Variants in COL13A1 observed in about 807,000 individuals in gnomAD.
COL13A1 encodes the protein collagen type XIII alpha 1 chain, also known as collagen alpha-1(XIII) chain.
Under a neutral mutation model 130.9 loss-of-function variants are expected in COL13A1, and 89 were observed. That is an observed-to-expected ratio of 0.68 (90% CI 0.57 to 0.81). The LOEUF is 0.81. Among genes scored for constraint, COL13A1 ranks in the 30% least tolerant of loss-of-function variants. The pLI is 0.00. For missense variants in COL13A1, 879 were observed against 934.6 expected, an observed-to-expected ratio of 0.94 and a Z score of 0.78; for synonymous variants, 402 against 341.6, an observed-to-expected ratio of 1.18 and a Z score of -1.95.
At position 69,895,586 on chromosome 10, in the gene COL13A1, C is replaced by T; in HGVS notation, c.684+10C>T. 2 of 1,613,870 alleles carry T rather than the reference C, an allele frequency of 1.2e-6. No homozygotes were observed. Among genetic ancestry groups the T allele is most frequent in the South Asian group, 2.2e-5 (2 of 91,074 alleles). On this transcript the variant is annotated intron_variant, in intron 13 of 40. Transcript: ENST00000645393. ...AGAGTACCCACACCGGGTAAGTGAA[C>T]CCCTAAAATTTAGCAGGGCACTTTG...
intron 2 of COL13A1, among the ~76,000 whole-genome samples, chr10:69,867,211 G>A (rs912990442): frequency 6.6e-6 from 1 of 152,212 alleles, no homozygotes; most frequent in East Asian, 1.9e-4. Context: ...GAGCCCGAGA[G>A]GGGGCTTTGA....
chr10:69,848,629 G>A (rs1382724671), intron 2 of COL13A1, among the ~76,000 whole-genome samples: 1 of 152,208 alleles, frequency 6.6e-6, no homozygotes, highest in African/African-American at 2.4e-5. Flanking sequence ...GTGGACCCAC[G>A]CACCGTCCTC....
rs371390730 is a variant in COL13A1, at chr10:69,823,496, G to A, written c.364+1058G>A. 5.9e-5 allele frequency among the ~76,000 whole-genome samples: 9 copies of A among 152,348 alleles called. No homozygotes were observed. In the South Asian group the frequency reaches 1.9e-3, roughly 32 times the overall value. Reference sequence around the variant, plus strand: ...GGCCTCCTCGATACCCACGGTGGCAGGTGGCACTAGCAGGGTGCTCACTGG... The same window carrying A: ...GGCCTCCTCGATACCCACGGTGGCAAGTGGCACTAGCAGGGTGCTCACTGG... On this transcript the variant is annotated intron_variant, in intron 2 of 40. Coordinates refer to ENST00000645393, the MANE Select transcript of COL13A1 (RefSeq NM_001368882.1).
intron 2 of COL13A1, among the ~76,000 whole-genome samples, chr10:69,843,658 C>T (rs985903280): frequency 3.9e-5 from 6 of 152,042 alleles, no homozygotes; most frequent in East Asian, 1.9e-4. Flanking sequence ...TTCTATGGAT[C>T]GTGGTGAGGA....
Position 69,865,309 on chromosome 10 carries a change from C to T in COL13A1, c.365-2489C>T, listed in dbSNP as rs114934569. On this transcript the variant is annotated intron_variant, in intron 2 of 40. Coordinates refer to ENST00000645393, the MANE Select transcript of COL13A1 (RefSeq NM_001368882.1). ...CACATGGGAGAGCAACTAGTGACAT[C>T]AAGGCACTGCTAGATTTTGCAAAGC... Among the ~76,000 whole-genome samples the T allele has an allele frequency of 5.1e-3, 778 of 152,306 alleles. 8 individuals carry two copies. Among genetic ancestry groups the T allele is most frequent in the African/African-American group, 0.018 (734 of 41,550 alleles).
At chr10:69,938,139 C>A (rs555439357) in intron 34 of COL13A1, among the ~76,000 whole-genome samples, 1 of 152,234 alleles carries the variant, frequency 6.6e-6, no homozygotes, top group African/African-American at 2.4e-5. Flanking sequence ...CCCTCTTAAG[C>A]ACTGGTCATT....
At position 69,839,164 on chromosome 10, in the gene COL13A1, CCATT is replaced by C. The variant is rs537294421; in HGVS notation, c.364+16740_364+16743del. Among the ~76,000 whole-genome samples the C allele has an allele frequency of 6.4e-4, 98 of 152,238 alleles. No homozygotes were observed. In the Middle Eastern group the frequency reaches 0.01, roughly 16 times the overall value. On this transcript the variant is annotated intron_variant, in intron 2 of 40. Transcript: ENST00000645393. ...TGGAAGCCTCCAGGGGAGAGGTGAC[CCATT>C]CATTCATTCATTCGTTCGTTCGTTC...
intron 18 of COL13A1, among the ~76,000 whole-genome samples, 172 bp downstream of exon 18, chr10:69,917,505 C>G (rs35532046): frequency 3.9e-5 from 6 of 151,940 alleles, no homozygotes; most frequent in Admixed American, 3.9e-4. Flanking sequence ...CCCCCTGATG[C>G]GGGCGGCCTC....
chr10:69,918,198 C>T, intron 18 of COL13A1, 87 bp from the exon 19 acceptor site: 1 of 1,213,460 alleles, frequency 8.2e-7, no homozygotes. Context: ...CTCATCACAC[C>T]ATGGGGAGGC....
At chr10:69,842,573 C>T (rs780138363) in intron 2 of COL13A1, among the ~76,000 whole-genome samples, 1 of 152,230 alleles carries the variant, frequency 6.6e-6, no homozygotes, top group Non-Finnish European at 1.5e-5. Flanking sequence ...CATTCCGGCA[C>T]TAACATCATC....
At chr10:69,857,790 G>A (rs539881938) in intron 2 of COL13A1, among the ~76,000 whole-genome samples, 3 of 152,286 alleles carry the variant, frequency 2.0e-5, no homozygotes, top group Admixed American at 6.5e-5. Flanking sequence ...GCTTATAAGG[G>A]TTAAACATGG....
intron 40 of COL13A1, 147 bp from the exon 41 acceptor site, chr10:69,958,552 T>C: frequency 8.0e-7 from 1 of 1,250,754 alleles, no homozygotes; most frequent in Non-Finnish European, 1.1e-6. Flanking sequence ...CCAGTTTCTT[T>C]CACCTAGGGG....
intron 38 of COL13A1, among the ~76,000 whole-genome samples, chr10:69,951,934 C>T (rs1039643582): frequency 6.6e-6 from 1 of 152,162 alleles, no homozygotes; most frequent in African/African-American, 2.4e-5. Context: ...TTTTAGGAAA[C>T]ACATATAAAA....
chr10:69,937,527 C>T (rs1422465859), intron 33 of COL13A1, 108 bp from the exon 34 acceptor site: 5 of 642,780 alleles, frequency 7.8e-6, no homozygotes, highest in Admixed American at 2.6e-5. Flanking sequence ...CACCCTGACC[C>T]CTCCTTCCTC....
chr10:69,909,465 C>A (rs933015423), intron 17 of COL13A1, among the ~76,000 whole-genome samples: 1 of 152,250 alleles, frequency 6.6e-6, no homozygotes, highest in Non-Finnish European at 1.5e-5. Context: ...CAGTAGGTGC[C>A]ACTGGAGCCA....
intron 17 of COL13A1, among the ~76,000 whole-genome samples, chr10:69,908,700 G>A (rs1030365343): frequency 1.3e-5 from 2 of 152,180 alleles, no homozygotes; most frequent in African/African-American, 2.4e-5. Context: ...CAGATTGTAG[G>A]AAGAAACATG....
chr10:69,934,487 G>A (rs2066566384), intron 31 of COL13A1, among the ~76,000 whole-genome samples: 1 of 152,218 alleles, frequency 6.6e-6, no homozygotes, highest in South Asian at 2.1e-4. Flanking sequence ...GCCTGGCACA[G>A]GAGTCACTCC....
chr10:69,841,640 C>A (rs1474013396), intron 2 of COL13A1, among the ~76,000 whole-genome samples: 1 of 152,120 alleles, frequency 6.6e-6, no homozygotes, highest in Non-Finnish European at 1.5e-5. Context: ...ACCAATTGCC[C>A]CAGCAAATAT....
chr10:69,858,416 C>T (rs1235826120), intron 2 of COL13A1, among the ~76,000 whole-genome samples: 1 of 152,178 alleles, frequency 6.6e-6, no homozygotes. Flanking sequence ...AAGCAGCTTG[C>T]CCAAGGTCAC....
Sources: gnomAD v4.1 joint callset for allele counts (sites outside exome capture counted in the v4.1 genomes callset) on GRCh38, gnomAD v4.1.1 for gene constraint, MANE v1.5 for transcripts, NCBI Gene and HGNC (gene_info 2026-07-23, HGNC 2026-07-21) for gene names.